Variants in ADD1 observed in about 807,000 individuals in gnomAD.
ADD1 encodes the protein adducin 1.
ADD1 carries 24 observed loss-of-function variants against 80.5 expected under a neutral mutation model. The observed-to-expected ratio is 0.30, with a 90% CI of 0.22 to 0.42. The LOEUF is 0.42. ADD1 is among the 10% of genes least tolerant of loss of function. ADD1 has a pLI of 1.00. For synonymous variants in ADD1, 373 were observed against 393.8 expected, an observed-to-expected ratio of 0.95 and a Z score of 0.63; for missense variants, 948 against 1,019.0, an observed-to-expected ratio of 0.93 and a Z score of 0.95.
intron 4 of ADD1, among the ~76,000 whole-genome samples, chr4:2,892,335 A>G (rs528514041): frequency 6.6e-6 from 1 of 152,350 alleles, no homozygotes; most frequent in African/African-American, 2.4e-5. Flanking sequence ...TTGAGCCTAT[A>G]CTAAAATCAT....
At chr4:2,850,501 C>G (rs989939923) in intron 1 of ADD1, among the ~76,000 whole-genome samples, 11 of 152,116 alleles carry the variant, frequency 7.2e-5, no homozygotes, top group African/African-American at 2.7e-4. Context: ...TCTTGGCTCA[C>G]TGCAAGCTCT....
At chr4:2,847,107 AGACT>A (rs1726346089) in intron 1 of ADD1, among the ~76,000 whole-genome samples, 1 of 151,904 alleles carries the variant, frequency 6.6e-6, no homozygotes, top group Admixed American at 6.6e-5. Context: ...ACACGGAGCG[AGACT>A]CCGTCTCAAA....
intron 4 of ADD1, 91 bp downstream of exon 4, chr4:2,884,757 G>T (rs2061007997): frequency 3.6e-6 from 5 of 1,408,390 alleles, no homozygotes; most frequent in Non-Finnish European, 2.9e-6. Flanking sequence ...AGGGAAGCAG[G>T]CTGAGCTTCA....
intron 13 of ADD1, among the ~76,000 whole-genome samples, chr4:2,912,070 A>G (rs1738169204): frequency 6.6e-6 from 1 of 152,224 alleles, no homozygotes; most frequent in Non-Finnish European, 1.5e-5. Flanking sequence ...TCTGATGGTC[A>G]GAGAGGTCAG....
chr4:2,879,716 G>A (rs944578622), intron 2 of ADD1, among the ~76,000 whole-genome samples: 2 of 151,814 alleles, frequency 1.3e-5, no homozygotes, highest in Non-Finnish European at 1.5e-5. Context: ...TCCACCTCCC[G>A]AGTTCAAATG....
chr4:2,849,013 G>A (rs1234750039), intron 1 of ADD1, among the ~76,000 whole-genome samples: 2 of 152,130 alleles, frequency 1.3e-5, no homozygotes, highest in African/African-American at 4.8e-5. Flanking sequence ...ATTCTCAGAA[G>A]TGAGATTGCC....
chr4:2,917,612 A>G (rs920753094), intron 14 of ADD1, among the ~76,000 whole-genome samples: 4 of 152,120 alleles, frequency 2.6e-5, no homozygotes, highest in African/African-American at 7.2e-5. Flanking sequence ...GCCCATGCCT[A>G]TGTCCTGAAT....
intron 14 of ADD1, among the ~76,000 whole-genome samples, chr4:2,915,416 G>A (rs1179898849): frequency 6.6e-6 from 1 of 152,174 alleles, no homozygotes; most frequent in African/African-American, 2.4e-5. Flanking sequence ...CGAGGCGGGC[G>A]GATCACGAGG....
intron 9 of ADD1, chr4:2,902,159 C>G (rs1273854244): frequency 6.6e-6 from 1 of 152,098 alleles, no homozygotes; most frequent in Non-Finnish European, 1.5e-5. Flanking sequence ...AAGAAAAATC[C>G]ATATGGTTTC....
chr4:2,921,321 G>A (rs1740000301), intron 14 of ADD1, among the ~76,000 whole-genome samples: 1 of 152,074 alleles, frequency 6.6e-6, no homozygotes, highest in Non-Finnish European at 1.5e-5. Flanking sequence ...GTAGAGATGG[G>A]GTTTCACCAT....
Position 2,928,770 on chromosome 4 carries a change from G to C in ADD1, c.*247G>C, listed in dbSNP as rs1049234440. On this transcript the variant is annotated 3_prime_UTR_variant, in exon 16 of 16. Coordinates refer to ENST00000683351, the MANE Select transcript of ADD1 (RefSeq NM_001354761.2). ...GGGGGAGACATGCTCTCCCCACAGG[G>C]GGGAGGCACTAAGTCATGGTCCTGG... 1 of 503,712 alleles carries C rather than the reference G, an allele frequency of 2.0e-6. No individual in the cohort carries two copies. Among genetic ancestry groups the C allele is most frequent in the Non-Finnish European group, 3.5e-6 (1 of 288,824 alleles). The allele number at this position is 503,712 out of a possible 1,614,324, so 31.2% of individuals were successfully genotyped here.
intron 2 of ADD1, among the ~76,000 whole-genome samples, chr4:2,876,822 TAGAG>T (rs1418846617): frequency 2.3e-5 from 3 of 131,100 alleles, no homozygotes; most frequent in Admixed American, 7.8e-5. Flanking sequence ...CTGGGTGACA[TAGAG>T]AGACTCCGTC....
Position 2,926,716 on chromosome 4 carries a change from G to A in ADD1, c.2047+604G>A, listed in dbSNP as rs982895353. ...CCTCCGCTCTCCACCGGTGCCCTGC[G>A]CTTTGCCTCATTCTCCTGCTTCTTT... On this transcript the variant is annotated intron_variant, in intron 15 of 15. Transcript: ENST00000683351. This position sits in a 1 kb window ranked among gnomAD's most constrained non-coding sequence, Gnocchi z 5.0. 17 of 1,600,470 alleles carry A rather than the reference G, an allele frequency of 1.1e-5. No individual in the cohort carries two copies. The highest frequency in any genetic ancestry group is 2.7e-5 in the African/African-American group (2 of 74,564).
chr4:2,919,433 C>G (rs1454475906), intron 14 of ADD1, among the ~76,000 whole-genome samples: 2 of 152,136 alleles, frequency 1.3e-5, no homozygotes, highest in Non-Finnish European at 2.9e-5. Flanking sequence ...TTCTGTACCT[C>G]TGGTAGAATC....
intron 6 of ADD1, among the ~76,000 whole-genome samples, chr4:2,897,867 G>T (rs758405043): frequency 2.0e-5 from 3 of 152,056 alleles, no homozygotes; most frequent in Non-Finnish European, 2.9e-5. Context: ...GGAGTCTGTG[G>T]TCTGCTCCTT....
Position 2,883,017 on chromosome 4 carries a change from A to G in ADD1, c.358+957A>G, listed in dbSNP as rs189461914. ...GCTGAGATTACAGGCACACACCACC[A>G]CACCTGGCTAATTTTTGTTATTTTT... On this transcript the variant is annotated intron_variant, in intron 3 of 15. Transcript: ENST00000683351. Among the ~76,000 whole-genome samples, 79 of 152,272 alleles carry G rather than the reference A, an allele frequency of 5.2e-4. 1 individual carries two copies. Among genetic ancestry groups the G allele is most frequent in the African/African-American group, 1.7e-3 (72 of 41,550 alleles).
chr4:2,923,310 C>A (rs532754766), intron 14 of ADD1, among the ~76,000 whole-genome samples: 19 of 152,316 alleles, frequency 1.2e-4, no homozygotes, highest in African/African-American at 4.6e-4. Context: ...TTGCGAAGAC[C>A]GTGGGAAAAG....
At chr4:2,863,989 C>T (rs1729181044) in intron 1 of ADD1, among the ~76,000 whole-genome samples, 1 of 152,116 alleles carries the variant, frequency 6.6e-6, no homozygotes, top group Non-Finnish European at 1.5e-5. Context: ...ACATTTAACC[C>T]CTATACACTG....
chr4:2,898,674 T>A (rs867114279), intron 8 of ADD1, 143 bp downstream of exon 8: 1 of 727,570 alleles, frequency 1.4e-6, no homozygotes, highest in Non-Finnish European at 2.4e-6. Flanking sequence ...ATTTGGGACT[T>A]GATCAGGACA....
Sources: allele counts gnomAD v4.1 joint callset (sites outside exome capture counted in the v4.1 genomes callset), GRCh38; gene constraint gnomAD v4.1.1; non-coding constraint Gnocchi (gnomAD v3.1); transcripts MANE v1.5; gene names NCBI Gene and HGNC (gene_info 2026-07-23, HGNC 2026-07-21).